The following COG5 variants were observed in gnomAD, a reference collection of about 807,000 sequenced individuals.
COG5 encodes the protein component of oligomeric golgi complex 5, also known as conserved oligomeric Golgi complex subunit 5.
In COG5, 86 loss-of-function variants were observed where a neutral mutation model predicts 110.4. That is an observed-to-expected ratio of 0.78 (90% CI 0.65 to 0.93). The LOEUF is 0.93. COG5 is among the 40% of genes least tolerant of loss of function. COG5 has a pLI of 0.00. For missense variants in COG5, 1,077 were observed against 987.0 expected (o/e 1.09, Z -1.22); for synonymous variants, 360 against 334.6 (o/e 1.08, Z -0.83).
intron 10 of COG5, among the ~76,000 whole-genome samples, chr7:107,344,863 T>A (rs1811465888): frequency 6.6e-6 from 1 of 152,208 alleles, no homozygotes; most frequent in Non-Finnish European, 1.5e-5. Context: ...TTCACTGGAA[T>A]AGCTCTTTTA....
At chr7:107,207,888 C>T in intron 21 of COG5, 1 of 985,398 alleles carries the variant, frequency 1.0e-6, no homozygotes, top group Non-Finnish European at 1.2e-6. Flanking sequence ...AGTAGTTACA[C>T]TATCCTCAAT....
chr7:107,322,660 T>C (rs1029787418), intron 11 of COG5, among the ~76,000 whole-genome samples: 3 of 152,314 alleles, frequency 2.0e-5, no homozygotes, highest in East Asian at 1.9e-4. Context: ...TTTTGGATTA[T>C]AGCACTGCAG....
At chr7:107,376,233 T>A (rs1412865655) in intron 7 of COG5, among the ~76,000 whole-genome samples, 1 of 152,062 alleles carries the variant, frequency 6.6e-6, no homozygotes, top group African/African-American at 2.4e-5. Context: ...CTGCCTCTGT[T>A]CTTCAATTTG....
intron 10 of COG5, among the ~76,000 whole-genome samples, chr7:107,330,611 T>C (rs1020720934): frequency 6.6e-6 from 1 of 152,180 alleles, no homozygotes; most frequent in Admixed American, 6.5e-5. Context: ...CAAATTTTCA[T>C]GCTAACTTTA....
chr7:107,264,445 C>T (rs1375483879), intron 14 of COG5, among the ~76,000 whole-genome samples: 1 of 152,030 alleles, frequency 6.6e-6, no homozygotes, highest in Non-Finnish European at 1.5e-5. Context: ...GTAATCCTAG[C>T]CCTTTGGAGA....
chr7:107,296,602 T>TA (rs1184124508), intron 12 of COG5, among the ~76,000 whole-genome samples: 1 of 132,556 alleles, frequency 7.5e-6, no homozygotes, highest in Non-Finnish European at 1.6e-5. Flanking sequence ...TTTTTTTTTT[T>TA]AAAGAGAGAC....
intron 6 of COG5, chr7:107,475,363 A>C (rs1796908766): frequency 7.2e-7 from 1 of 1,396,582 alleles, no homozygotes; most frequent in African/African-American, 1.4e-5. Context: ...CACAGACTAG[A>C]GAAAAGTCTC....
chr7:107,230,430 A>G (rs1362845256), intron 19 of COG5, among the ~76,000 whole-genome samples, 185 bp downstream of exon 19: 1 of 152,230 alleles, frequency 6.6e-6, no homozygotes, highest in African/African-American at 2.4e-5. Context: ...CCTCTAATTT[A>G]TTAGTCATTA....
chr7:107,362,223 T>TA lies in COG5; in HGVS notation c.948+84dup, dbSNP rs34409602. 157 of 1,383,682 alleles carry TA rather than the reference T, an allele frequency of 1.1e-4. 1 individual carries two copies. Among genetic ancestry groups the TA allele is most frequent in the Non-Finnish European group, 1.5e-4 (151 of 981,932 alleles). 85.7% of individuals were successfully genotyped at this position (1,383,682 alleles called of 1,614,324 possible). ...GGAGGTATTTTGAATGCTCATTGAT[T>TA]AAAAAACCTGCCCAAGGTCACACAA... On this transcript the variant is annotated intron_variant, in intron 9 of 21. Coordinates refer to ENST00000297135, the MANE Select transcript of COG5 (RefSeq NM_006348.5).
intron 11 of COG5, among the ~76,000 whole-genome samples, chr7:107,302,283 G>A (rs1013351377): frequency 1.3e-5 from 2 of 152,102 alleles, no homozygotes; most frequent in Non-Finnish European, 2.9e-5. Flanking sequence ...TATAATATAT[G>A]CTAAATCATT....
chr7:107,344,255 T>TAGTTATACATTA (rs1257882566), intron 10 of COG5, among the ~76,000 whole-genome samples: 2 of 152,216 alleles, frequency 1.3e-5, no homozygotes, highest in Non-Finnish European at 2.9e-5. Context: ...CTCAATAACT[T>TAGTTATACATTA]GCCATAGTTT....
At chr7:107,468,209 T>G (rs1327294185) in intron 6 of COG5, among the ~76,000 whole-genome samples, 1 of 152,200 alleles carries the variant, frequency 6.6e-6, no homozygotes, top group Non-Finnish European at 1.5e-5. Flanking sequence ...GCTGCTAACT[T>G]ACCTTGACCC....
chr7:107,281,919 C>G (rs1383988717), intron 13 of COG5, among the ~76,000 whole-genome samples: 1 of 149,962 alleles, frequency 6.7e-6, no homozygotes, highest in Non-Finnish European at 1.5e-5. Flanking sequence ...ACTATAATTA[C>G]AAATTTTTAA....
chr7:107,314,436 C>G (rs1033945687), intron 11 of COG5, among the ~76,000 whole-genome samples: 2 of 152,118 alleles, frequency 1.3e-5, no homozygotes, highest in Non-Finnish European at 1.5e-5. Flanking sequence ...TTAATAAATA[C>G]TTTTTTAAAA....
At chr7:107,299,837 A>G (rs1420350826) in intron 11 of COG5, among the ~76,000 whole-genome samples, 1 of 93,360 alleles carries the variant, frequency 1.1e-5, no homozygotes, top group African/African-American at 3.6e-5. Flanking sequence ...ATATATATAT[A>G]TATATATATA....
At chr7:107,560,162 G>A (rs986958741) in intron 1 of COG5, among the ~76,000 whole-genome samples, 5 of 152,152 alleles carry the variant, frequency 3.3e-5, no homozygotes, top group Non-Finnish European at 7.4e-5. Flanking sequence ...CTTTCACACA[G>A]ATATCTTAAA....
intron 6 of COG5, among the ~76,000 whole-genome samples, chr7:107,465,025 A>G (rs1246755036): frequency 6.6e-6 from 1 of 152,176 alleles, no homozygotes; most frequent in African/African-American, 2.4e-5. Flanking sequence ...AGGGCTTTGC[A>G]TTCTCAGCAT....
intron 6 of COG5, among the ~76,000 whole-genome samples, chr7:107,513,179 A>G (rs1295900735): frequency 6.6e-6 from 1 of 152,164 alleles, no homozygotes; most frequent in Admixed American, 6.6e-5. Flanking sequence ...AGAATCTACA[A>G]TGAACTCAAA....
intron 5 of COG5, among the ~76,000 whole-genome samples, chr7:107,542,583 A>T (rs1369553783): frequency 6.6e-6 from 1 of 152,226 alleles, no homozygotes; most frequent in Non-Finnish European, 1.5e-5. Context: ...TTTCACAGCC[A>T]TATTACTCAT....
Sources: gnomAD v4.1 joint callset for allele counts (sites outside exome capture counted in the v4.1 genomes callset) on GRCh38, gnomAD v4.1.1 for gene constraint, MANE v1.5 for transcripts, NCBI Gene and HGNC (gene_info 2026-07-23, HGNC 2026-07-21) for gene names.